The following DIS3L2 variants were observed in gnomAD, a reference collection of about 807,000 sequenced individuals.
The protein encoded by DIS3L2 is DIS3 like 3'-5' exoribonuclease 2.
In DIS3L2, 34 loss-of-function variants were observed where a neutral mutation model predicts 97.5. The ratio of observed to expected loss-of-function variants is 0.35; its 90% CI spans 0.27 to 0.46. The LOEUF is 0.46. DIS3L2 is among the 20% of genes least tolerant of loss of function. The probability of loss-of-function intolerance (pLI) is 1.00; values close to 1 mark genes in which losing one functional copy is unlikely to be tolerated. For synonymous variants in DIS3L2, 435 were observed against 445.2 expected (o/e 0.98, Z 0.29); for missense variants, 1,038 against 1,146.0 (o/e 0.91, Z 1.36).
At chr2:231,988,399 G>A (rs1311541895) in intron 1 of DIS3L2, among the ~76,000 whole-genome samples, 4 of 152,206 alleles carry the variant, frequency 2.6e-5, no homozygotes, top group African/African-American at 7.2e-5. Flanking sequence ...CCAGTGCCAC[G>A]TGCTTAGCTG....
intron 11 of DIS3L2, among the ~76,000 whole-genome samples, chr2:232,244,109 G>T (rs1260905407): frequency 6.6e-6 from 1 of 152,208 alleles, no homozygotes; most frequent in Non-Finnish European, 1.5e-5. Context: ...CTTCAGAATT[G>T]TCACTGGTTT....
intron 2 of DIS3L2, 115 bp downstream of exon 2, chr2:232,015,094 G>A: frequency 4.2e-6 from 4 of 948,970 alleles, no homozygotes; most frequent in Non-Finnish European, 6.4e-6. Flanking sequence ...TTCTTTTAGT[G>A]ACCTGTTAAG....
intron 11 of DIS3L2, among the ~76,000 whole-genome samples, chr2:232,244,875 T>G (rs1471844826): frequency 6.6e-6 from 1 of 152,102 alleles, no homozygotes; most frequent in Non-Finnish European, 1.5e-5. Context: ...AGGTAAGAAC[T>G]AAGACAGCTT....
chr2:232,303,008 G>A (rs1294176681), intron 14 of DIS3L2, among the ~76,000 whole-genome samples: 11 of 152,190 alleles, frequency 7.2e-5, no homozygotes. Context: ...ATGTTGAAGT[G>A]TGTCATCACC....
chr2:232,302,059 A>T (rs558150292), intron 14 of DIS3L2, among the ~76,000 whole-genome samples: 2 of 152,184 alleles, frequency 1.3e-5, no homozygotes, highest in East Asian at 3.9e-4. Context: ...AGGGTTTATA[A>T]ATATGAATAA....
chr2:232,014,714 T>C, intron 1 of DIS3L2, 121 bp from the exon 2 acceptor site: 1 of 473,300 alleles, frequency 2.1e-6, no homozygotes. Flanking sequence ...CCAGAGAATG[T>C]GATGCCAGAA....
chr2:232,089,167 T>G (rs2106311640), intron 6 of DIS3L2, among the ~76,000 whole-genome samples: 1 of 152,344 alleles, frequency 6.6e-6, no homozygotes, highest in Non-Finnish European at 1.5e-5. Flanking sequence ...AAAGAAAGCA[T>G]TTTTTGAAAG....
At chr2:232,310,270 G>A (rs887708699) in intron 14 of DIS3L2, among the ~76,000 whole-genome samples, 1 of 152,190 alleles carries the variant, frequency 6.6e-6, no homozygotes, top group Admixed American at 6.5e-5. Flanking sequence ...AGTTGGAAGC[G>A]ATGCAGCCAG....
intron 5 of DIS3L2, among the ~76,000 whole-genome samples, chr2:232,049,197 AAAT>A (rs1439483869): frequency 6.6e-6 from 1 of 152,158 alleles, no homozygotes; most frequent in African/African-American, 2.4e-5. Flanking sequence ...TTTAAAATTT[AAAT>A]AATATTATGG....
At chr2:232,017,901 C>T (rs1197303184) in intron 3 of DIS3L2, among the ~76,000 whole-genome samples, 1 of 152,152 alleles carries the variant, frequency 6.6e-6, no homozygotes, top group East Asian at 1.9e-4. Flanking sequence ...AACTTAACAC[C>T]ATTTCTTGGC....
At chr2:232,048,719 A>C (rs573249895) in intron 5 of DIS3L2, among the ~76,000 whole-genome samples, 96 of 151,886 alleles carry the variant, frequency 6.3e-4, no homozygotes, top group South Asian at 2.1e-3. Context: ...CGATAGAGCA[A>C]GACTCCCTCT....
At chr2:231,993,963 G>A (rs1434130859) in intron 1 of DIS3L2, among the ~76,000 whole-genome samples, 1 of 151,746 alleles carries the variant, frequency 6.6e-6, no homozygotes, top group Non-Finnish European at 1.5e-5. Flanking sequence ...CGTAGGTCAT[G>A]ATGCTTTTCT....
chr2:232,182,643 T>A (rs778053679), intron 9 of DIS3L2, among the ~76,000 whole-genome samples: 5 of 152,234 alleles, frequency 3.3e-5, no homozygotes, highest in Admixed American at 2.0e-4. Context: ...TCTAGATGGA[T>A]TGAGCCTATC....
rs772512074 is a variant in DIS3L2, at chr2:232,300,066, C to T, written c.1686C>T (p.His562=). The part of the protein sequence containing the change: ...DQLKLAFTLD[H]ETGLPQGCHI... Reference sequence around the variant, plus strand: ...TAAAGCTTGCTTTCACTCTGGACCACGAGACCGGATTGCCTCAAGGATGTC... The same window carrying T: ...TAAAGCTTGCTTTCACTCTGGACCATGAGACCGGATTGCCTCAAGGATGTC... Residue 562 remains histidine (H), a synonymous_variant, in exon 14 of 21, where the codon CAC becomes CAT. Transcript: ENST00000325385. The T allele has an allele frequency of 2.9e-5, 46 of 1,613,806 alleles. No individual in the cohort carries two copies. The highest frequency in any genetic ancestry group is 1.2e-4 in the African/African-American group (9 of 74,918).
At chr2:232,343,732 C>G in exon 14 of DIS3L2, 1 of 779,168 alleles carries the variant, frequency 1.3e-6, no homozygotes, top group Non-Finnish European at 2.1e-6. Flanking sequence ...CGGAGCTCGC[C>G]TCTGCATTCA....
chr2:232,037,591 ACTC>A lies in DIS3L2; in HGVS notation c.366+7514_366+7516del, dbSNP rs1364656461. Among the ~76,000 whole-genome samples, 1 of 151,188 alleles carries A rather than the reference ACTC, an allele frequency of 6.6e-6. No individual in the cohort carries two copies. The highest frequency in any genetic ancestry group is 1.5e-5 in the Non-Finnish European group (1 of 67,764). On this transcript the variant is annotated intron_variant, in intron 5 of 20. Coordinates refer to ENST00000325385, the MANE Select transcript of DIS3L2 (RefSeq NM_152383.5). The surrounding 1 kb of genome is among the most constrained non-coding windows in gnomAD (Gnocchi z 4.6). ...AGGAGTCACTGGGGTACGAAAAAAAACTCCTGCAGCTAGCTCGGTGTCTGCCCA... is the reference window on the plus strand; with the variant it reads ...AGGAGTCACTGGGGTACGAAAAAAAACTGCAGCTAGCTCGGTGTCTGCCCA...
intron 5 of DIS3L2, among the ~76,000 whole-genome samples, chr2:232,053,394 A>C (rs1695461217): frequency 6.6e-6 from 1 of 152,210 alleles, no homozygotes; most frequent in Non-Finnish European, 1.5e-5. Context: ...AACACTGCTG[A>C]CATCAACTGC....
chr2:232,220,112 A>AAAATAAATAAAT (rs59785632), intron 10 of DIS3L2, among the ~76,000 whole-genome samples: 1 of 139,090 alleles, frequency 7.2e-6, no homozygotes, highest in Non-Finnish European at 1.5e-5. Context: ...TCTCTACAGA[A>AAAATAAATAAAT]AAATAAATAA....
At chr2:231,964,789 A>G (rs1056636819) in intron 1 of DIS3L2, among the ~76,000 whole-genome samples, 7 of 152,248 alleles carry the variant, frequency 4.6e-5, no homozygotes, top group Non-Finnish European at 1.0e-4. Flanking sequence ...TTAGGAAAGC[A>G]ATGAAATGGA....
Sources: allele counts gnomAD v4.1 joint callset (sites outside exome capture counted in the v4.1 genomes callset), GRCh38; gene constraint gnomAD v4.1.1; non-coding constraint Gnocchi (gnomAD v3.1); transcripts MANE v1.5; gene names NCBI Gene and HGNC (gene_info 2026-07-23, HGNC 2026-07-21).